The following TTC1 variants were observed in gnomAD, a reference collection of about 807,000 sequenced individuals.
The protein encoded by TTC1 is tetratricopeptide repeat domain 1.
A neutral mutation model predicts 37.6 loss-of-function variants in TTC1; 31 were observed. That is an observed-to-expected ratio of 0.82 (90% confidence interval 0.62 to 1.11). The LOEUF is 1.11. Among genes scored for constraint, TTC1 ranks in the 50% most tolerant of loss-of-function variants. The probability of loss-of-function intolerance (pLI) is 0.00; values close to 1 mark genes in which losing one functional copy is unlikely to be tolerated. For synonymous variants in TTC1, 127 were observed against 122.4 expected (o/e 1.04, Z -0.25); for missense variants, 351 against 339.0 (o/e 1.04, Z -0.28).
At chr5:160,022,446 A>G (rs1228150638) in intron 2 of TTC1, among the ~76,000 whole-genome samples, 1 of 152,216 alleles carries the variant, frequency 6.6e-6, no homozygotes, top group Non-Finnish European at 1.5e-5. Context: ...TTAAAAAATT[A>G]TATTCAAGCT....
intron 5 of TTC1, among the ~76,000 whole-genome samples, chr5:160,048,105 A>T (rs1182068083): frequency 1.3e-5 from 2 of 150,178 alleles, no homozygotes; most frequent in Admixed American, 6.7e-5. Flanking sequence ...AAAAGAAAAA[A>T]GTTCTAGAGC....
chr5:160,064,287 C>T lies in TTC1; in HGVS notation c.746-645C>T, dbSNP rs144662862. ...CCCATCCTATATACCTCACCCAAGT[C>T]GTGTAAATAAAGCCTGAAACTTGGG... is the stretch of plus-strand genomic sequence containing the variant. On this transcript the variant is annotated intron_variant, in intron 7 of 7. Coordinates refer to ENST00000231238, the MANE Select transcript of TTC1 (RefSeq NM_003314.3). Among the ~76,000 whole-genome samples, 121 of 152,198 alleles carry T rather than the reference C, an allele frequency of 8.0e-4. 2 individuals are homozygous for T. The highest frequency in any genetic ancestry group is 2.9e-3 in the African/African-American group (119 of 41,522).
chr5:160,049,798 C>A, intron 6 of TTC1, 136 bp downstream of exon 6: 2 of 774,650 alleles, frequency 2.6e-6, no homozygotes, highest in Non-Finnish European at 3.7e-6. Flanking sequence ...ATATGGGAGG[C>A]CAGGCGCAGT....
chr5:160,049,875 C>G (rs993455975), intron 6 of TTC1, among the ~76,000 whole-genome samples: 7 of 151,742 alleles, frequency 4.6e-5, no homozygotes, highest in Non-Finnish European at 1.0e-4. Context: ...GCCAGGAGCT[C>G]GAGACCAGCC....
intron 2 of TTC1, among the ~76,000 whole-genome samples, chr5:160,029,624 C>G (rs1350576129): frequency 6.6e-6 from 1 of 151,828 alleles, no homozygotes; most frequent in Non-Finnish European, 1.5e-5. Context: ...GGTAGTAAAG[C>G]GAGACCCTGA....
At chr5:160,027,652 G>T (rs1199147202) in intron 2 of TTC1, among the ~76,000 whole-genome samples, 6 of 152,124 alleles carry the variant, frequency 3.9e-5, no homozygotes, top group Admixed American at 3.9e-4. Flanking sequence ...TATTTGTGAG[G>T]CAGGTTTCAC....
chr5:160,060,767 C>T (rs551412052), intron 7 of TTC1, among the ~76,000 whole-genome samples: 3 of 152,324 alleles, frequency 2.0e-5, no homozygotes, highest in South Asian at 4.1e-4. Flanking sequence ...TCTCTGTCAT[C>T]GGCACAAACA....
At chr5:160,058,140 C>A in intron 7 of TTC1, among the ~76,000 whole-genome samples, 1 of 152,194 alleles carries the variant, frequency 6.6e-6, no homozygotes, top group Non-Finnish European at 1.5e-5. Flanking sequence ...GAGGAGATTC[C>A]ATCTCAAGAA....
chr5:160,009,273 C>T (rs950317773), intron 1 of TTC1, 80 bp downstream of exon 1: 1 of 152,252 alleles, frequency 6.6e-6, no homozygotes, highest in Non-Finnish European at 1.5e-5. Flanking sequence ...CGCGAGGCAT[C>T]ACTTCCCTAA....
intron 7 of TTC1, among the ~76,000 whole-genome samples, chr5:160,064,513 A>G (rs1106055): frequency 0.59 from 89,832 of 152,058 alleles, 26,569 homozygotes; most frequent in East Asian, 0.62. Context: ...TTCTAGAGAG[A>G]AGAGACTTGG....
chr5:160,036,594 T>A (rs1405467305), intron 3 of TTC1, 97 bp from the exon 4 acceptor site: 1 of 809,758 alleles, frequency 1.2e-6, no homozygotes, highest in Non-Finnish European at 2.1e-6. Context: ...AAAACCTTCA[T>A]CCTATGAATG....
chr5:160,047,468 A>G (rs569934867), intron 5 of TTC1, among the ~76,000 whole-genome samples: 7 of 152,310 alleles, frequency 4.6e-5, no homozygotes, highest in African/African-American at 1.4e-4. Flanking sequence ...CTTCCAGCTT[A>G]GACCAAGCCA....
intron 5 of TTC1, 66 bp downstream of exon 5, chr5:160,043,235 G>A: frequency 1.9e-6 from 3 of 1,580,212 alleles, no homozygotes; most frequent in Non-Finnish European, 2.6e-6. Context: ...AGGGGCTTTG[G>A]GTCAGGTGTG....
In TTC1 at chr5:160,065,051, A is replaced by T; in HGVS notation, c.865A>T (p.Asn289Tyr). Residue 289 changes from asparagine (N) to tyrosine (Y), a missense_variant, in exon 8 of 8, where the codon AAT (asparagine) becomes TAT (tyrosine). By Grantham distance (143) the Asn-to-Tyr change is moderately radical. Transcript: ENST00000231238. ...CTCCATCAATTTCGTTCAAAATCCA[A>T]ATAATAACAGATAACAAAGATAACA... is the stretch of plus-strand genomic sequence containing the variant. ...SYSINFVQNP[N>Y]NNR 1 of 1,610,834 alleles carries T rather than the reference A, an allele frequency of 6.2e-7. No individual in the cohort carries two copies. The highest frequency in any genetic ancestry group is 1.1e-5 in the South Asian group (1 of 90,042).
At chr5:160,040,289 T>C (rs1411944377) in intron 4 of TTC1, among the ~76,000 whole-genome samples, 2 of 152,074 alleles carry the variant, frequency 1.3e-5, no homozygotes, top group Non-Finnish European at 1.5e-5. Context: ...CACATACATA[T>C]ACCGTGTATG....
At chr5:160,025,848 A>T (rs927685662) in intron 2 of TTC1, among the ~76,000 whole-genome samples, 2 of 152,218 alleles carry the variant, frequency 1.3e-5, no homozygotes, top group African/African-American at 4.8e-5. Context: ...CTCCCACCTC[A>T]GTCCCTCAAG....
intron 2 of TTC1, among the ~76,000 whole-genome samples, chr5:160,020,256 C>G (rs1316839629): frequency 6.6e-6 from 1 of 152,158 alleles, no homozygotes; most frequent in African/African-American, 2.4e-5. Flanking sequence ...CTTAGAGTTA[C>G]CACTGTTGAA....
Position 160,056,119 on chromosome 5 carries a change from C to T in TTC1, c.745+4936C>T, listed in dbSNP as rs78067138. Reference sequence around the variant, plus strand: ...AGAGCTGCCAGGTGCCTATCCCTACCTTGACCTAGAGCAGTTACTTGAAAC... The same window carrying T: ...AGAGCTGCCAGGTGCCTATCCCTACTTTGACCTAGAGCAGTTACTTGAAAC... On this transcript the variant is annotated intron_variant, in intron 7 of 7. Transcript: ENST00000231238. Among the ~76,000 whole-genome samples the T allele has an allele frequency of 2.8e-3, 431 of 152,306 alleles. 2 individuals carry two copies. Among genetic ancestry groups the T allele is most frequent in the African/African-American group, 9.6e-3 (400 of 41,568 alleles).
chr5:160,064,143 A>G (rs918891682), intron 7 of TTC1, among the ~76,000 whole-genome samples: 5 of 151,474 alleles, frequency 3.3e-5, no homozygotes, highest in African/African-American at 1.2e-4. Context: ...TGATTTTTGT[A>G]TTTTTTGTAG....
Sources: allele counts gnomAD v4.1 joint callset (sites outside exome capture counted in the v4.1 genomes callset), GRCh38; gene constraint gnomAD v4.1.1; transcripts MANE v1.5; gene names NCBI Gene and HGNC (gene_info 2026-07-23, HGNC 2026-07-21).